Variants in IL16 observed in about 807,000 individuals in gnomAD.
The protein encoded by IL16 is pro-interleukin-16.
IL16 carries 67 observed loss-of-function variants against 110.1 expected under a neutral mutation model. The observed-to-expected ratio is 0.61, with a 90% confidence interval of 0.50 to 0.75. IL16 has a LOEUF of 0.75. Ranked by LOEUF, IL16 falls within the 30% of genes least tolerant of loss-of-function variation. The pLI, the probability that IL16 is intolerant of heterozygous loss-of-function variation, is 0.00. For missense variants in IL16, 1,545 were observed against 1,655.0 expected (o/e 0.93, Z 1.15); for synonymous variants, 689 against 662.9 (o/e 1.04, Z -0.61).
chr15:81,258,271 A>C (rs555715562), intron 2 of IL16, among the ~76,000 whole-genome samples: 1 of 152,218 alleles, frequency 6.6e-6, no homozygotes, highest in East Asian at 1.9e-4. Context: ...CTCATCTTAG[A>C]TGAGGGAGAG....
At chr15:81,271,616 T>A (rs1898646622) in intron 5 of IL16, among the ~76,000 whole-genome samples, 1 of 152,118 alleles carries the variant, frequency 6.6e-6, no homozygotes, top group Non-Finnish European at 1.5e-5. Flanking sequence ...TGGGCCTTGT[T>A]CTTAACCATG....
intron 1 of IL16, among the ~76,000 whole-genome samples, chr15:81,184,585 G>A (rs1028232533): frequency 2.6e-5 from 4 of 152,224 alleles, no homozygotes; most frequent in African/African-American, 9.6e-5. Context: ...GTTGTCACAG[G>A]CAACACTTAT....
In IL16 at chr15:81,197,019, G is replaced by A. The variant is rs1338605839; in HGVS notation, c.-235G>A. 5.9e-5 allele frequency: 76 copies of A among 1,287,120 alleles called. No individual in the cohort carries two copies. Among genetic ancestry groups the A allele is most frequent in the East Asian group, 2.8e-4 (5 of 17,984 alleles). The allele number at this position is 1,287,120 out of a possible 1,614,324, so 79.7% of individuals were successfully genotyped here. ...GAGCGTCCATTTCTCAATCCTTGCC[G>A]GCTCTGACCCAGGCCTGGGCCACAG... On this transcript the variant is annotated 5_prime_UTR_variant, in exon 1 of 19. Transcript: ENST00000683961.
chr15:81,268,660 A>G (rs8026245), intron 4 of IL16, among the ~76,000 whole-genome samples: 38,405 of 152,308 alleles, frequency 0.25, 5,616 homozygotes, highest in African/African-American at 0.4. Context: ...GTGGACATGC[A>G]GGAAGCACAG....
intron 2 of IL16, among the ~76,000 whole-genome samples, chr15:81,248,808 C>A (rs1031581864): frequency 1.3e-5 from 2 of 150,512 alleles, no homozygotes; most frequent in African/African-American, 4.9e-5. Flanking sequence ...GCAAACTCCA[C>A]CCCCTGGGTT....
chr15:81,224,649 C>T (rs762010756), intron 1 of IL16, among the ~76,000 whole-genome samples: 2 of 152,232 alleles, frequency 1.3e-5, no homozygotes, highest in Non-Finnish European at 2.9e-5. Flanking sequence ...GTGTCACCTT[C>T]TTTTATGCTC....
Position 81,281,446 on chromosome 15 carries a change from A to G in IL16, c.1082-1193A>G, listed in dbSNP as rs911128773. ...GCCCCACGGCCCTAACACCACCTAC[A>G]TGCAGCTACGTTCAAACTTTCAGCT... On this transcript the variant is annotated intron_variant, in intron 8 of 18. Coordinates refer to ENST00000683961, the MANE Select transcript of IL16 (RefSeq NM_172217.5). 2.0e-5 allele frequency among the ~76,000 whole-genome samples: 3 copies of G among 152,238 alleles called. No individual in the cohort carries two copies. In the East Asian group the frequency reaches 5.8e-4, roughly 29 times the overall value.
rs1166176231 is a variant in IL16 at position 81,305,765 on chromosome 15, G to A, written c.3421-143G>A. 11 of 985,590 alleles carry A rather than the reference G, an allele frequency of 1.1e-5. No homozygotes were observed. The East Asian group carries it at 2.2e-4, about 20-fold the overall frequency. The allele number at this position is 985,590 out of a possible 1,614,324, so 61.1% of individuals were successfully genotyped here. A position where few individuals can be genotyped will look rare whatever the true frequency, so the allele number is the denominator to read the frequency against. The stretch of plus-strand genomic sequence containing the variant: ...GGGAATGCTGGCCTCTGTGCCAGCA[G>A]CTCCAATCTAGGACACAATTATCTT... On this transcript the variant is annotated intron_variant, in intron 16 of 18. Transcript: ENST00000683961.
In IL16 at chr15:81,273,152, C is replaced by G. The variant is rs779084306; in HGVS notation, c.738C>G (p.Val246=). 6.2e-7 allele frequency: 1 copy of G among 1,613,774 alleles called. No homozygotes were observed. Reference sequence around the variant, plus strand: ...TTTATGGCCCCATTGGGATTTACGTCAAAACCATTTTTGCAGGGGGAGCAG... The same window carrying G: ...TTTATGGCCCCATTGGGATTTACGTGAAAACCATTTTTGCAGGGGGAGCAG... ...DSIYGPIGIY[V]KTIFAGGAAA... is the part of the protein sequence containing the mutation. Residue 246 remains valine (V), a synonymous_variant, in exon 6 of 19, where the codon GTC becomes GTG. Coordinates refer to ENST00000683961, the MANE Select transcript of IL16 (RefSeq NM_172217.5).
chr15:81,265,819 G>T lies in IL16; in HGVS notation c.564+18G>T. 6.2e-7 allele frequency: 1 copy of T among 1,601,916 alleles called. No homozygotes were observed. The highest frequency in any genetic ancestry group is 8.5e-7 in the Non-Finnish European group (1 of 1,173,262). Reference sequence around the variant, plus strand: ...AGGCTGCGGTAAGAATGGAAGGAGGGAAACTCAGAGAAGAGTTTCTCCCGG... The same window carrying T: ...AGGCTGCGGTAAGAATGGAAGGAGGTAAACTCAGAGAAGAGTTTCTCCCGG... On this transcript the variant is annotated intron_variant, in intron 4 of 18. Coordinates refer to ENST00000683961, the MANE Select transcript of IL16 (RefSeq NM_172217.5).
chr15:81,304,744 G>A (rs904950659), intron 16 of IL16, among the ~76,000 whole-genome samples: 1 of 152,172 alleles, frequency 6.6e-6, no homozygotes, highest in Non-Finnish European at 1.5e-5. Context: ...AGGAACCTGA[G>A]GCTCAGAGGA....
chr15:81,291,990 T>A (rs574349869), intron 11 of IL16: 22 of 456,056 alleles, frequency 4.8e-5, no homozygotes, highest in African/African-American at 3.2e-4. Flanking sequence ...GCAGGCAGTG[T>A]CCTGGGGTTC....
Position 81,299,656 on chromosome 15 carries a change from G to A in IL16, c.2330G>A (p.Ser777Asn), listed in dbSNP as rs1900165378. 6.2e-7 allele frequency: 1 copy of A among 1,614,092 alleles called. No homozygotes were observed. Among genetic ancestry groups the A allele is most frequent in the Non-Finnish European group, 8.5e-7 (1 of 1,180,044 alleles). Reference protein sequence around the residue: ...TPKVYKSADSSTVKKGPPVAP... With the variant: ...TPKVYKSADSNTVKKGPPVAP... ...AAAGTTTACAAGTCAGCAGACAGCAGCACTGTGAAGAAAGGTCCTCCTGTG... is the reference window on the plus strand; with the variant it reads ...AAAGTTTACAAGTCAGCAGACAGCAACACTGTGAAGAAAGGTCCTCCTGTG... The change falls in exon 14 of 19, where the codon AGC becomes AAC. Residue 777 changes from serine to asparagine, a missense_variant. Ser to Asn is a conservative substitution (Grantham distance 46). Transcript: ENST00000683961.
intron 1 of IL16, among the ~76,000 whole-genome samples, chr15:81,184,419 A>G (rs1296073463): frequency 6.6e-6 from 1 of 152,206 alleles, no homozygotes; most frequent in Non-Finnish European, 1.5e-5. Flanking sequence ...TGCAGTTGCA[A>G]CACTGGCCTC....
chr15:81,308,944 C>A lies in IL16; in HGVS notation c.*146C>A. The A allele has an allele frequency of 3.3e-6, 2 of 615,016 alleles. No individual in the cohort carries two copies. The highest frequency in any genetic ancestry group is 5.5e-6 in the Non-Finnish European group (2 of 365,172). 38.1% of individuals were successfully genotyped at this position (615,016 alleles called of 1,614,324 possible). A position where few individuals can be genotyped will look rare whatever the true frequency, so the allele number is the denominator to read the frequency against. On this transcript the variant is annotated 3_prime_UTR_variant, in exon 19 of 19. Coordinates refer to ENST00000683961, the MANE Select transcript of IL16 (RefSeq NM_172217.5). Reference sequence around the variant, plus strand: ...CAGTGGCTGCTGCCCAGGCCCAGACCTTCTAGGACGCCACCCAGCAAAAGG... The same window carrying A: ...CAGTGGCTGCTGCCCAGGCCCAGACATTCTAGGACGCCACCCAGCAAAAGG...
intron 2 of IL16, among the ~76,000 whole-genome samples, chr15:81,230,566 C>G (rs1205030235): frequency 6.6e-6 from 1 of 152,108 alleles, no homozygotes; most frequent in East Asian, 1.9e-4. Context: ...TAATTCTGTC[C>G]CTTATCTCTT....
Position 81,306,546 on chromosome 15 carries a change from G to A in IL16, c.3805+1G>A, listed in dbSNP as rs1372525102. 1.2e-6 allele frequency: 2 copies of A among 1,612,160 alleles called. No individual in the cohort carries two copies. The highest frequency in any genetic ancestry group is 1.7e-6 in the Non-Finnish European group (2 of 1,180,026). The stretch of plus-strand genomic sequence containing the variant: ...CTCACCATTAACAGGATTTTCAAAG[G>A]TGTGGGGTGTGTCTGGTTCTTTGCG... On this transcript the variant is annotated splice_donor_variant, in intron 18 of 18. Coordinates refer to ENST00000683961, the MANE Select transcript of IL16 (RefSeq NM_172217.5). LOFTEE classifies it high-confidence loss of function.
intron 6 of IL16, among the ~76,000 whole-genome samples, chr15:81,275,362 G>T (rs1288554901): frequency 9.7e-6 from 1 of 102,574 alleles, no homozygotes; most frequent in African/African-American, 4.4e-5. Flanking sequence ...GGGGAGGAGG[G>T]GGGGGAGGGG....
At chr15:81,199,030 A>ATATATAT (rs1555411598) in intron 1 of IL16, among the ~76,000 whole-genome samples, 31 of 104,144 alleles carry the variant, frequency 3.0e-4, no homozygotes, top group Non-Finnish European at 3.8e-4. Flanking sequence ...AAAAAAAAAA[A>ATATATAT]ATATATATAT....
Sources: gnomAD v4.1 joint callset for allele counts (sites outside exome capture counted in the v4.1 genomes callset) on GRCh38, gnomAD v4.1.1 for gene constraint, MANE v1.5 for transcripts, NCBI Gene and HGNC (gene_info 2026-07-23, HGNC 2026-07-21) for gene names.